Variants in ANKRD36B observed in about 807,000 individuals in gnomAD.
The protein encoded by ANKRD36B is ankyrin repeat domain-containing protein 36B.
Under a neutral mutation model 135.7 loss-of-function variants are expected in ANKRD36B, and 37 were observed. That is an observed-to-expected ratio of 0.27 (90% CI 0.21 to 0.36). ANKRD36B has a LOEUF of 0.36. Among genes scored for constraint, ANKRD36B ranks in the 10% least tolerant of loss-of-function variants. The pLI, the probability that ANKRD36B is intolerant of heterozygous loss-of-function variation, is 1.00. For synonymous variants in ANKRD36B, 179 were observed against 348.1 expected, an observed-to-expected ratio of 0.51 and a Z score of 5.41; for missense variants, 549 against 1,037.1, an observed-to-expected ratio of 0.53 and a Z score of 6.46.
intron 40 of ANKRD36B, among the ~76,000 whole-genome samples, chr2:97,508,994 C>T (rs1307447309): frequency 4.9e-4 from 52 of 106,766 alleles, no homozygotes; most frequent in African/African-American, 1.3e-3. Flanking sequence ...CATATAGAGA[C>T]AGAGTGTGCT....
At chr2:97,553,867 T>A (rs577066317) in intron 14 of ANKRD36B, among the ~76,000 whole-genome samples, 1 of 152,026 alleles carries the variant, frequency 6.6e-6, no homozygotes, top group South Asian at 2.1e-4. Context: ...ACACGTCATG[T>A]CTCTGTCTCT....
chr2:97,562,028 A>C (rs1470486565), intron 6 of ANKRD36B, among the ~76,000 whole-genome samples: 7 of 151,816 alleles, frequency 4.6e-5, no homozygotes, highest in Admixed American at 4.6e-4. Flanking sequence ...TTATAATTTA[A>C]AAAATCATTT....
chr2:97,573,227 T>C (rs899156839), intron 6 of ANKRD36B, among the ~76,000 whole-genome samples: 3 of 152,192 alleles, frequency 2.0e-5, no homozygotes, highest in Admixed American at 2.0e-4. Flanking sequence ...TCCATGTCCC[T>C]ACAAAGGACA....
chr2:97,524,798 C>T (rs189535005), intron 35 of ANKRD36B: 1 of 96,402 alleles, frequency 1.0e-5, no homozygotes, highest in East Asian at 2.3e-4. Context: ...GTTTTTTTAC[C>T]CTAATTTGTC....
chr2:97,554,049 T>C (rs1407250276), intron 14 of ANKRD36B, among the ~76,000 whole-genome samples: 1 of 151,960 alleles, frequency 6.6e-6, no homozygotes, highest in Non-Finnish European at 1.5e-5. Flanking sequence ...CAAAGTATAA[T>C]ATATAAACCT....
chr2:97,547,961 T>G (rs1408415401), intron 20 of ANKRD36B, among the ~76,000 whole-genome samples: 1 of 151,782 alleles, frequency 6.6e-6, no homozygotes, highest in Non-Finnish European at 1.5e-5. Flanking sequence ...TGATTTGTTA[T>G]ATGCCAAAAA....
chr2:97,563,489 G>A (rs199558047), intron 6 of ANKRD36B, among the ~76,000 whole-genome samples: 10 of 151,354 alleles, frequency 6.6e-5, no homozygotes, highest in African/African-American at 1.9e-4. Context: ...ATGGCTTTAC[G>A]GGGTGTTTCT....
rs1216838803 is a variant in ANKRD36B, at chr2:97,537,445, C to A, written c.2089+723G>T. Among the ~76,000 whole-genome samples the A allele has an allele frequency of 2.1e-5, 2 of 96,994 alleles. 1 individual carries two copies. The highest frequency in any genetic ancestry group is 5.5e-5 in the Non-Finnish European group (2 of 36,418). 63.6% of individuals were successfully genotyped at this position (96,994 alleles called of 152,430 possible). A position where few individuals can be genotyped will look rare whatever the true frequency, so the allele number is the denominator to read the frequency against. ...ACTAAATATTCATATTAAATTTCAA[C>A]TCATTTGAATAACTAATAAAGAATA... is the stretch of plus-strand genomic sequence containing the variant. On this transcript the variant is annotated intron_variant, in intron 32 of 43. Coordinates refer to ENST00000359901, the MANE Select transcript of ANKRD36B (RefSeq NM_001393939.1).
chr2:97,549,697 C>G, intron 18 of ANKRD36B, 83 bp from the exon 19 acceptor site: 1 of 1,591,710 alleles, frequency 6.3e-7, no homozygotes, highest in Non-Finnish European at 8.5e-7. Flanking sequence ...TAGCATCAAA[C>G]TCTGTCCTCC....
rs1046183288 is a variant in ANKRD36B, at chr2:97,524,305, G to GT, written c.2266-839dup. 4 of 94,550 alleles carry GT rather than the reference G, an allele frequency of 4.2e-5. 1 individual carries two copies. Among genetic ancestry groups the GT allele is most frequent in the Admixed American group, 3.8e-4 (4 of 10,562 alleles). 5.9% of individuals were successfully genotyped at this position (94,550 alleles called of 1,614,324 possible). A position where few individuals can be genotyped will look rare whatever the true frequency, so the allele number is the denominator to read the frequency against. ...TTAATTTCCAGTTAGCGGTGTTTTG[G>GT]TTTTTTGTCATTTGCCTCACAACCT... On this transcript the variant is annotated intron_variant, in intron 35 of 43. Coordinates refer to ENST00000359901, the MANE Select transcript of ANKRD36B (RefSeq NM_001393939.1).
intron 6 of ANKRD36B, among the ~76,000 whole-genome samples, chr2:97,567,080 C>T (rs1413132534): frequency 6.6e-6 from 1 of 151,946 alleles, no homozygotes; most frequent in African/African-American, 2.4e-5. Context: ...ACTAGAGTGG[C>T]TCAGAGAACT....
intron 6 of ANKRD36B, among the ~76,000 whole-genome samples, chr2:97,564,115 T>A (rs1033402789): frequency 4.0e-5 from 6 of 151,804 alleles, no homozygotes; most frequent in Admixed American, 3.9e-4. Context: ...TATGCACATA[T>A]GTTGTAAGAG....
chr2:97,570,710 C>T (rs943004679), intron 6 of ANKRD36B, among the ~76,000 whole-genome samples: 2 of 152,180 alleles, frequency 1.3e-5, no homozygotes, highest in African/African-American at 2.4e-5. Flanking sequence ...GCTTGGCTTC[C>T]CCAAGACTTG....
chr2:97,572,507 T>A (rs1438174173), intron 6 of ANKRD36B, among the ~76,000 whole-genome samples: 12 of 133,392 alleles, frequency 9.0e-5, no homozygotes, highest in Admixed American at 7.4e-5. Flanking sequence ...TTTGAAAATT[T>A]AAAAGACATT....
Position 97,589,681 on chromosome 2 carries a change from T to C in ANKRD36B, c.5A>G (p.Glu2Gly). 1 of 1,614,108 alleles carries C rather than the reference T, an allele frequency of 6.2e-7. No individual in the cohort carries two copies. The highest frequency in any genetic ancestry group is 8.5e-7 in the Non-Finnish European group (1 of 1,180,004). M[E>G]RLCSDGFAFP... ...TGCGAAGCCATCCGAGCACAAGCGC[T>C]CCATGAGGGTGGGCCACCTCTCCCG... Residue 2 changes from glutamate (E) to glycine (G), a missense_variant, in exon 1 of 44, where the codon GAG becomes GGG. Coordinates refer to ENST00000359901, the MANE Select transcript of ANKRD36B (RefSeq NM_001393939.1).
At chr2:97,532,228 G>A in intron 35 of ANKRD36B, 83 bp downstream of exon 35, 1 of 623,752 alleles carries the variant, frequency 1.6e-6, no homozygotes, top group South Asian at 1.5e-5. Flanking sequence ...AAATCCAAAG[G>A]TAAATTCATT....
intron 6 of ANKRD36B, among the ~76,000 whole-genome samples, chr2:97,574,685 C>T (rs2082112547): frequency 6.6e-6 from 1 of 152,098 alleles, no homozygotes; most frequent in African/African-American, 2.4e-5. Context: ...GTGCTTTGGA[C>T]AAGGTGGTTC....
intron 36 of ANKRD36B, among the ~76,000 whole-genome samples, chr2:97,521,630 A>C (rs1031649301): frequency 6.3e-5 from 6 of 95,700 alleles, no homozygotes; most frequent in South Asian, 4.6e-4. Flanking sequence ...TATGTTGGCA[A>C]TCAAAAAGTC....
At chr2:97,527,214 A>C (rs1442403961) in intron 35 of ANKRD36B, among the ~76,000 whole-genome samples, 2 of 96,610 alleles carry the variant, frequency 2.1e-5, no homozygotes. Context: ...TCTCGGCAGA[A>C]ACTCTACAAA....
Sources: allele counts gnomAD v4.1 joint callset (sites outside exome capture counted in the v4.1 genomes callset), GRCh38; gene constraint gnomAD v4.1.1; transcripts MANE v1.5; gene names NCBI Gene and HGNC (gene_info 2026-07-23, HGNC 2026-07-21).